The following ANKRD28 variants were observed in gnomAD, a reference collection of about 807,000 sequenced individuals.
The protein encoded by ANKRD28 is serine/threonine-protein phosphatase 6 regulatory ankyrin repeat subunit A.
In ANKRD28, 44 loss-of-function variants were observed where a neutral mutation model predicts 126.5. That is an observed-to-expected ratio of 0.35 (90% CI 0.27 to 0.45). The LOEUF (loss-of-function observed/expected upper bound fraction) is 0.45. Among genes scored for constraint, ANKRD28 ranks in the 20% least tolerant of loss-of-function variants. The pLI, the probability that ANKRD28 is intolerant of heterozygous loss-of-function variation, is 1.00. For synonymous variants in ANKRD28, 442 were observed against 468.5 expected (o/e 0.94, Z 0.73); for missense variants, 1,110 against 1,316.6 (o/e 0.84, Z 2.43).
In ANKRD28 at chr3:15,797,201, AAC is replaced by A. The variant is rs1309108758; in HGVS notation, c.-682_-681del. ...TTCAGTGTTTGGGAAAGGGGCAAAA[AAC>A]AAAAACAAAAAAAAAAAAACCACTC... On this transcript the variant is annotated 5_prime_UTR_variant, in exon 1 of 28. The change abolishes the stop of an existing upstream ORF in the 5' untranslated region. Transcript: ENST00000683139. 47 of 922,548 alleles carry A rather than the reference AAC, an allele frequency of 5.1e-5. No individual in the cohort carries two copies. The highest frequency in any genetic ancestry group is 1.9e-4 in the East Asian group (1 of 5,260). The allele number at this position is 922,548 out of a possible 1,614,324, so 57.1% of individuals were successfully genotyped here. A position where few individuals can be genotyped will look rare whatever the true frequency, so the allele number is the denominator to read the frequency against.
chr3:15,682,023 C>G (rs1471687768), intron 21 of ANKRD28, among the ~76,000 whole-genome samples: 1 of 152,018 alleles, frequency 6.6e-6, no homozygotes, highest in Non-Finnish European at 1.5e-5. Context: ...TTAAGAGCCC[C>G]TCATTCTCCA....
intron 1 of ANKRD28, among the ~76,000 whole-genome samples, chr3:15,850,905 A>G (rs1207784724): frequency 6.6e-6 from 1 of 152,160 alleles, no homozygotes; most frequent in Non-Finnish European, 1.5e-5. Flanking sequence ...TGGCATCTGA[A>G]GTGGAGGCAG....
At chr3:15,711,826 A>G (rs2072324336) in intron 11 of ANKRD28, among the ~76,000 whole-genome samples, 1 of 151,606 alleles carries the variant, frequency 6.6e-6, no homozygotes, top group Admixed American at 6.6e-5. Context: ...AGCTGGGATT[A>G]CAGGTGCTCA....
chr3:15,829,738 C>T (rs939066172), intron 1 of ANKRD28, among the ~76,000 whole-genome samples: 4 of 151,954 alleles, frequency 2.6e-5, no homozygotes, highest in Non-Finnish European at 4.4e-5. Flanking sequence ...TCAAGGTGGC[C>T]GATACAGATT....
intron 9 of ANKRD28, 65 bp from the exon 10 acceptor site, chr3:15,713,706 A>C: frequency 9.9e-7 from 1 of 1,007,358 alleles, no homozygotes; most frequent in Non-Finnish European, 1.4e-6. Flanking sequence ...GTACTACATG[A>C]AAAGTAATAA....
intron 6 of ANKRD28, among the ~76,000 whole-genome samples, chr3:15,730,091 A>G (rs1285221865): frequency 1.3e-5 from 2 of 152,116 alleles, no homozygotes; most frequent in African/African-American, 4.8e-5. Context: ...TCCTGGGCTC[A>G]AGGATCTTCC....
rs1434051927 is a variant in ANKRD28, at chr3:15,833,640, T to C, written c.27+25737A>G. Among the ~76,000 whole-genome samples the C allele has an allele frequency of 6.6e-6, 1 of 151,658 alleles. No individual in the cohort carries two copies. The highest frequency in any genetic ancestry group is 2.4e-5 in the African/African-American group (1 of 41,340). ...GCACCCTTGGCAACATCTGTTGTTTTTTTGACCTTTTAATAGTAACTAACC... is the reference window on the plus strand; with the variant it reads ...GCACCCTTGGCAACATCTGTTGTTTCTTTGACCTTTTAATAGTAACTAACC... On this transcript the variant is annotated intron_variant, in intron 1 of 27. Transcript: ENST00000399451. The surrounding 1 kb of genome is among the most constrained non-coding windows in gnomAD (Gnocchi z 4.4).
intron 1 of ANKRD28, among the ~76,000 whole-genome samples, chr3:15,809,814 C>T (rs2060669709): frequency 6.6e-6 from 1 of 152,128 alleles, no homozygotes; most frequent in Non-Finnish European, 1.5e-5. Context: ...ATTTAGTCAA[C>T]TATTTTGTTT....
intron 1 of ANKRD28, among the ~76,000 whole-genome samples, chr3:15,858,554 C>T (rs1291847869): frequency 2.0e-5 from 3 of 152,234 alleles, no homozygotes; most frequent in Non-Finnish European, 4.4e-5. Flanking sequence ...TCAACATCTT[C>T]TGTTCAGGAA....
chr3:15,695,803 G>A lies in ANKRD28; in HGVS notation c.1659+331C>T, dbSNP rs762625706. Among the ~76,000 whole-genome samples, 31 of 152,148 alleles carry A rather than the reference G, an allele frequency of 2.0e-4. 1 individual carries two copies. Among genetic ancestry groups the A allele is most frequent in the Middle Eastern group, 3.4e-3 (1 of 294 alleles). On this transcript the variant is annotated intron_variant, in intron 15 of 27. Transcript: ENST00000683139. ...ATATGGGGGAGATATTCCTTTCACA[G>A]GGACTTTTATTTCTCACAAAAGACA...
At position 15,817,988 on chromosome 3, in the gene ANKRD28, A is replaced by G. The variant is rs964886450; in HGVS notation, c.28-22682T>C. Among the ~76,000 whole-genome samples, 1 of 152,220 alleles carries G rather than the reference A, an allele frequency of 6.6e-6. No homozygotes were observed. Among genetic ancestry groups the G allele is most frequent in the Non-Finnish European group, 1.5e-5 (1 of 68,036 alleles). ...TGAACAACTGGAAATCAAAACAAAA[A>G]GCAGTACCATTTATAATAATACCCC... is the stretch of plus-strand genomic sequence containing the variant. On this transcript the variant is annotated intron_variant, in intron 1 of 27. Coordinates refer to the ANKRD28 transcript ENST00000399451. This position sits in a 1 kb window ranked among gnomAD's most constrained non-coding sequence, Gnocchi z 4.5.
chr3:15,673,649 G>C (rs2470536), intron 27 of ANKRD28, among the ~76,000 whole-genome samples: 70,854 of 152,100 alleles, frequency 0.47, 19,383 homozygotes, highest in Non-Finnish European at 0.6. Flanking sequence ...AGAATAGTTA[G>C]AATATGCTTC....
intron 1 of ANKRD28, among the ~76,000 whole-genome samples, chr3:15,850,220 T>TAGAGAGAGAGAG (rs1274116099): frequency 4.1e-5 from 2 of 49,352 alleles, no homozygotes; most frequent in African/African-American, 5.7e-5. Context: ...TATATATATA[T>TAGAGAGAGAGAG]ATATAGAGAG....
intron 1 of ANKRD28, among the ~76,000 whole-genome samples, chr3:15,859,193 A>G (rs2061848292): frequency 6.6e-6 from 1 of 152,172 alleles, no homozygotes; most frequent in African/African-American, 2.4e-5. Context: ...AGGCCCCGGC[A>G]GCTCTGACAG....
At chr3:15,794,146 C>T (rs2060164608) in intron 2 of ANKRD28, among the ~76,000 whole-genome samples, 1 of 152,022 alleles carries the variant, frequency 6.6e-6, no homozygotes, top group Non-Finnish European at 1.5e-5. Flanking sequence ...AACTTGAAGG[C>T]AATTCACTTA....
rs746377118 is a variant in ANKRD28 at position 15,670,506 on chromosome 3, G to A, written c.3016C>T (p.Leu1006=). Residue 1006 remains leucine (L), a synonymous_variant, in exon 28 of 28, where the codon CTG becomes TTG. Transcript: ENST00000683139. ...ATCATGGTGGCCAAAATGAGAGCCAGGCAATCAGCCACATCCTTATTGGGA... is the reference window on the plus strand; with the variant it reads ...ATCATGGTGGCCAAAATGAGAGCCAAGCAATCAGCCACATCCTTATTGGGA... ...CAPNKDVADC[L]ALILATMMPV... is the part of the protein sequence containing the mutation. 4.3e-6 allele frequency: 7 copies of A among 1,613,848 alleles called. No individual in the cohort carries two copies. The African/African-American group carries it at 8.0e-5, about 18-fold the overall frequency.
chr3:15,802,420 G>A (rs550241022), upstream of ANKRD28, among the ~76,000 whole-genome samples: 1 of 152,240 alleles, frequency 6.6e-6, no homozygotes, highest in East Asian at 1.9e-4. Context: ...TTAAGAAACT[G>A]TAATTTTGCA....
intron 3 of ANKRD28, among the ~76,000 whole-genome samples, chr3:15,753,737 G>T (rs1447168982): frequency 6.8e-6 from 1 of 146,422 alleles, no homozygotes; most frequent in Non-Finnish European, 1.5e-5. Flanking sequence ...GAAGACAGGA[G>T]TTCAAGACCA....
rs2060280222 is a variant in ANKRD28 at position 15,796,497 on chromosome 3, AAAC to A, written c.22_24del (p.Val8del). On this transcript the variant is annotated inframe_deletion, in exon 1 of 28. Coordinates refer to ENST00000683139, the MANE Select transcript of ANKRD28 (RefSeq NM_001349278.2). ...GGAGATTCATCTTCTACCTCCTCCA[AAAC>A]AACAATACACACTCGACTCATTCGA... 1 of 1,289,114 alleles carries A rather than the reference AAAC, an allele frequency of 7.8e-7. No homozygotes were observed. Among genetic ancestry groups the A allele is most frequent in the Non-Finnish European group, 1.0e-6 (1 of 988,404 alleles). 79.9% of individuals were successfully genotyped at this position (1,289,114 alleles called of 1,614,324 possible). A position where few individuals can be genotyped will look rare whatever the true frequency, so the allele number is the denominator to read the frequency against.
Sources: gnomAD v4.1 joint callset for allele counts (sites outside exome capture counted in the v4.1 genomes callset) on GRCh38, gnomAD v4.1.1 for gene constraint, Gnocchi (gnomAD v3.1) non-coding constraint, MANE v1.5 for transcripts, NCBI Gene and HGNC (gene_info 2026-07-23, HGNC 2026-07-21) for gene names.